The following CD8B variants were observed in gnomAD, a reference collection of about 807,000 sequenced individuals.
CD8B encodes CD8 subunit beta, also known as T-cell surface glycoprotein CD8 beta chain.
CD8B carries 6 observed loss-of-function variants against 24.2 expected under a neutral mutation model. That is an observed-to-expected ratio of 0.25 (90% confidence interval 0.14 to 0.49). The LOEUF is 0.49. CD8B is among the 20% of genes least tolerant of loss of function. The probability of loss-of-function intolerance (pLI) is 0.98; values close to 1 mark genes in which losing one functional copy is unlikely to be tolerated. For synonymous variants in CD8B, 84 were observed against 108.3 expected, an observed-to-expected ratio of 0.78 and a Z score of 1.39; for missense variants, 196 against 271.3, an observed-to-expected ratio of 0.72 and a Z score of 1.95.
chr2:86,852,423 T>C (rs1308372704), intron 3 of CD8B, among the ~76,000 whole-genome samples: 2 of 152,130 alleles, frequency 1.3e-5, no homozygotes, highest in Non-Finnish European at 2.9e-5. Context: ...ATTATCATAA[T>C]GTAATTTCAG....
At chr2:86,820,314 T>G (rs1179824135) in intron 5 of CD8B, among the ~76,000 whole-genome samples, 1 of 152,192 alleles carries the variant, frequency 6.6e-6, no homozygotes, top group Non-Finnish European at 1.5e-5. Flanking sequence ...AGATAAATCT[T>G]TTGTGAAAGG....
At chr2:86,861,431 A>C (rs1471466855) in intron 1 of CD8B, among the ~76,000 whole-genome samples, 1 of 152,040 alleles carries the variant, frequency 6.6e-6, no homozygotes, top group African/African-American at 2.4e-5. Flanking sequence ...ATGTGTCCAC[A>C]GGACCCATGG....
chr2:86,842,541 G>A (rs1279541898), intron 5 of CD8B, among the ~76,000 whole-genome samples: 1 of 152,174 alleles, frequency 6.6e-6, no homozygotes, highest in Non-Finnish European at 1.5e-5. Context: ...AAGAACGGTA[G>A]CTTTGAATTG....
At chr2:86,832,061 G>A (rs1674923102) in intron 5 of CD8B, among the ~76,000 whole-genome samples, 2 of 152,194 alleles carry the variant, frequency 1.3e-5, no homozygotes, top group African/African-American at 2.4e-5. Flanking sequence ...CATCTGACGA[G>A]CTTGAGTGTT....
At chr2:86,815,570 T>G (rs1416347275) in exon 6 of CD8B, 1 of 1,210,098 alleles carries the variant, frequency 8.3e-7, no homozygotes, top group Non-Finnish European at 1.2e-6. Flanking sequence ...CTGGTAAAAG[T>G]AGTAAAGATC....
rs1675337060 is a variant in CD8B, at chr2:86,839,844, T to G, written c.*2463A>C. On this transcript the variant is annotated 3_prime_UTR_variant, in exon 6 of 6. Coordinates refer to ENST00000390655, the MANE Select transcript of CD8B (RefSeq NM_004931.5). ...TTCAAGGAGGGCAGACCATGTGCAC[T>G]GCAGGCCTTAATCTCTTATTTGTTT... is the stretch of plus-strand genomic sequence containing the variant. Among the ~76,000 whole-genome samples the G allele has an allele frequency of 6.6e-6, 1 of 152,366 alleles. No individual in the cohort carries two copies. The highest frequency in any genetic ancestry group is 2.4e-5 in the African/African-American group (1 of 41,590).
At chr2:86,847,890 T>C (rs1675763789) in intron 3 of CD8B, among the ~76,000 whole-genome samples, 1 of 152,204 alleles carries the variant, frequency 6.6e-6, no homozygotes, top group South Asian at 2.1e-4. Flanking sequence ...TTTTAAAAAA[T>C]ATATAGAGTG....
chr2:86,854,592 G>A (rs1676140992), intron 2 of CD8B, among the ~76,000 whole-genome samples: 1 of 152,272 alleles, frequency 6.6e-6, no homozygotes, highest in South Asian at 2.1e-4. Context: ...CCCTGCTGAA[G>A]TGTTGGGAGG....
intron 5 of CD8B, among the ~76,000 whole-genome samples, chr2:86,821,031 C>CG (rs1176167358): frequency 6.6e-6 from 1 of 152,178 alleles, no homozygotes; most frequent in African/African-American, 2.4e-5. Context: ...GCCATCCTGT[C>CG]TGTCCCACCT....
chr2:86,826,412 G>A (rs1288034293), intron 5 of CD8B, among the ~76,000 whole-genome samples: 2 of 152,150 alleles, frequency 1.3e-5, no homozygotes, highest in African/African-American at 2.4e-5. Context: ...AGGTCGGTAA[G>A]TGAGAAGGAA....
exon 6 of CD8B, chr2:86,815,648 T>C (rs1674204297): frequency 1.2e-6 from 2 of 1,613,418 alleles, no homozygotes; most frequent in African/African-American, 1.3e-5. Context: ...TTCTGTGAGG[T>C]TGTAGTATTG....
At chr2:86,826,164 G>A (rs1016754104) in intron 5 of CD8B, among the ~76,000 whole-genome samples, 1 of 152,110 alleles carries the variant, frequency 6.6e-6, no homozygotes, top group African/African-American at 2.4e-5. Context: ...GGCAACATGA[G>A]AGTCTGTATT....
chr2:86,815,618 G>A, exon 6 of CD8B: 3 of 1,602,624 alleles, frequency 1.9e-6, no homozygotes, highest in Non-Finnish European at 2.6e-6. Context: ...TATGTTTTCA[G>A]GATCCATGGG....
intron 1 of CD8B, among the ~76,000 whole-genome samples, chr2:86,859,724 G>A (rs1273592514): frequency 6.6e-6 from 1 of 150,436 alleles, no homozygotes; most frequent in East Asian, 2.0e-4. Context: ...GGGAGACATT[G>A]CAGGCCAGGG....
chr2:86,859,973 A>G (rs1345842959), intron 1 of CD8B, among the ~76,000 whole-genome samples: 1 of 152,166 alleles, frequency 6.6e-6, no homozygotes, highest in African/African-American at 2.4e-5. Context: ...GCTCGCATCA[A>G]GAATGAAATG....
chr2:86,832,281 C>A (rs1480225630), intron 5 of CD8B, among the ~76,000 whole-genome samples: 2 of 152,080 alleles, frequency 1.3e-5, no homozygotes, highest in Non-Finnish European at 2.9e-5. Flanking sequence ...GAGTTCAAGA[C>A]CAGCCTGGCC....
intron 1 of CD8B, among the ~76,000 whole-genome samples, chr2:86,859,957 G>T (rs2104588188): frequency 6.6e-6 from 1 of 152,230 alleles, no homozygotes; most frequent in African/African-American, 2.4e-5. Flanking sequence ...ACCACTCTTA[G>T]CTTTCGCTCG....
chr2:86,820,171 A>G (rs945056442), intron 5 of CD8B, among the ~76,000 whole-genome samples: 2 of 152,258 alleles, frequency 1.3e-5, no homozygotes, highest in African/African-American at 4.8e-5. Flanking sequence ...ACATTGTTGA[A>G]ATGACAACAG....
chr2:86,848,804 C>T (rs1675824230), intron 3 of CD8B, among the ~76,000 whole-genome samples: 2 of 151,154 alleles, frequency 1.3e-5, no homozygotes, highest in African/African-American at 4.9e-5. Context: ...GCAACCTCTG[C>T]CTCCTGGGTT....
Sources: allele counts gnomAD v4.1 joint callset (sites outside exome capture counted in the v4.1 genomes callset), GRCh38; gene constraint gnomAD v4.1.1; transcripts MANE v1.5; gene names NCBI Gene and HGNC (gene_info 2026-07-23, HGNC 2026-07-21).